Variants in ABCB5 observed in about 807,000 individuals in gnomAD.
ABCB5 encodes ATP-binding cassette sub-family B member 5.
ABCB5 carries 155 observed loss-of-function variants against 144.2 expected under a neutral mutation model. That is an observed-to-expected ratio of 1.08 (90% CI 0.94 to 1.23). The LOEUF (loss-of-function observed/expected upper bound fraction) is 1.23, where lower values mean the gene tolerates loss of function less well. Ranked by LOEUF, ABCB5 falls within the 50% of genes most tolerant of loss-of-function variation. The pLI is 0.00. For synonymous variants in ABCB5, 610 were observed against 528.6 expected, an observed-to-expected ratio of 1.15 and a Z score of -2.11; for missense variants, 1,830 against 1,520.8, an observed-to-expected ratio of 1.20 and a Z score of -3.38.
chr7:20,751,335 G>A (rs1782922117), intron 26 of ABCB5, among the ~76,000 whole-genome samples: 2 of 152,164 alleles, frequency 1.3e-5, no homozygotes, highest in African/African-American at 2.4e-5. Context: ...AGCCAGGCGT[G>A]GTGGCGGGCG....
intron 23 of ABCB5, among the ~76,000 whole-genome samples, 181 bp from the exon 24 acceptor site, chr7:20,738,802 G>A (rs981124059): frequency 2.6e-5 from 4 of 152,196 alleles, no homozygotes; most frequent in Non-Finnish European, 5.9e-5. Context: ...TACAGAGCAA[G>A]GAATGATTAC....
intron 14 of ABCB5, among the ~76,000 whole-genome samples, chr7:20,670,580 T>C (rs1021083016): frequency 6.6e-6 from 1 of 152,176 alleles, no homozygotes; most frequent in Non-Finnish European, 1.5e-5. Context: ...AGGCTTAGAA[T>C]TACCACACCA....
intron 14 of ABCB5, among the ~76,000 whole-genome samples, chr7:20,665,648 G>A (rs111595330): frequency 6.6e-6 from 1 of 151,820 alleles, no homozygotes; most frequent in Non-Finnish European, 1.5e-5. Context: ...GGACAAGCAG[G>A]TAGGGCCGTA....
At chr7:20,647,344 T>C in intron 9 of ABCB5, 191 bp from the exon 10 acceptor site, 2 of 1,340,882 alleles carry the variant, frequency 1.5e-6, no homozygotes, top group Non-Finnish European at 1.9e-6. Context: ...TGTGTTTCTA[T>C]TGCTTCTCGG....
Position 20,698,454 on chromosome 7 carries a change from G to A in ABCB5, c.2058G>A (p.Lys686=), listed in dbSNP as rs573015770. 1 of 1,596,278 alleles carries A rather than the reference G, an allele frequency of 6.3e-7. No individual in the cohort carries two copies. Among genetic ancestry groups the A allele is most frequent in the South Asian group, 1.2e-5 (1 of 86,826 alleles). The change falls in exon 17 of 28, where the codon AAG becomes AAA. Residue 686 remains lysine (K), a synonymous_variant. Coordinates refer to ENST00000404938, the MANE Select transcript of ABCB5 (RefSeq NM_001163941.2). Reference sequence around the variant, plus strand: ...TATTAAAAATTTTAAAGTTAAACAAGCCTGAATGGCCTTTTGTGGTTCTGG... The same window carrying A: ...TATTAAAAATTTTAAAGTTAAACAAACCTGAATGGCCTTTTGTGGTTCTGG... The part of the protein sequence containing the change: ...VSLLKILKLN[K]PEWPFVVLGT...
intron 5 of ABCB5, among the ~76,000 whole-genome samples, chr7:20,640,661 G>C (rs1784276277): frequency 1.3e-5 from 2 of 152,148 alleles, no homozygotes; most frequent in Admixed American, 1.3e-4. Context: ...CAGAGTACGT[G>C]TGCATCAGGC....
intron 16 of ABCB5, among the ~76,000 whole-genome samples, chr7:20,696,920 G>A (rs567961641): frequency 3.9e-5 from 6 of 151,944 alleles, no homozygotes; most frequent in East Asian, 1.9e-4. Context: ...AATGTAGATC[G>A]TTCTATAGGA....
intron 5 of ABCB5, 88 bp from the exon 6 acceptor site, chr7:20,643,096 T>C: frequency 1.7e-6 from 2 of 1,154,812 alleles, no homozygotes; most frequent in Non-Finnish European, 2.4e-6. Flanking sequence ...ATAAATTTCC[T>C]CAATCAAATA....
intron 14 of ABCB5, among the ~76,000 whole-genome samples, chr7:20,673,284 A>T (rs1047698333): frequency 6.6e-6 from 1 of 151,958 alleles, no homozygotes; most frequent in African/African-American, 2.4e-5. Flanking sequence ...AATTGTGTTG[A>T]GTTGGTTGAT....
At chr7:20,618,432 A>AGCTT (rs1240778176) in intron 1 of ABCB5, among the ~76,000 whole-genome samples, 2 of 152,254 alleles carry the variant, frequency 1.3e-5, no homozygotes, top group African/African-American at 2.4e-5. Context: ...TTAGATTTAG[A>AGCTT]GCTTACCTGT....
chr7:20,727,183 C>A, intron 22 of ABCB5, 43 bp downstream of exon 22: 1 of 1,464,454 alleles, frequency 6.8e-7, no homozygotes, highest in South Asian at 1.2e-5. Flanking sequence ...TAATTTTGTT[C>A]TGTAAAGGCA....
At chr7:20,737,157 TAA>T (rs112403845) in intron 23 of ABCB5, among the ~76,000 whole-genome samples, 6 of 142,746 alleles carry the variant, frequency 4.2e-5, no homozygotes, top group Admixed American at 2.1e-4. Context: ...GACTCTGTCT[TAA>T]AAAAAAAAAA....
chr7:20,686,081 A>C (rs1232140784), intron 16 of ABCB5, among the ~76,000 whole-genome samples: 7 of 152,156 alleles, frequency 4.6e-5, no homozygotes, highest in Non-Finnish European at 1.0e-4. Context: ...AGACTGTTAC[A>C]TGATGTTTTT....
At chr7:20,695,924 T>G (rs1786398585) in intron 16 of ABCB5, among the ~76,000 whole-genome samples, 1 of 151,934 alleles carries the variant, frequency 6.6e-6, no homozygotes, top group Non-Finnish European at 1.5e-5. Context: ...GTACCAAATA[T>G]TGGTGATGGT....
At chr7:20,749,266 C>T (rs542122759) in intron 26 of ABCB5, among the ~76,000 whole-genome samples, 27 of 137,538 alleles carry the variant, frequency 2.0e-4, no homozygotes, top group East Asian at 7.1e-4. Context: ...CTTGCTCTGT[C>T]GCCTAGGCTG....
intron 1 of ABCB5, among the ~76,000 whole-genome samples, chr7:20,622,582 A>G (rs1423805062): frequency 1.3e-5 from 2 of 152,106 alleles, no homozygotes; most frequent in Non-Finnish European, 2.9e-5. Context: ...GTAATATGTT[A>G]TAGGGCCTAA....
intron 16 of ABCB5, among the ~76,000 whole-genome samples, chr7:20,690,183 T>G (rs1189713588): frequency 1.3e-5 from 2 of 152,234 alleles, no homozygotes; most frequent in African/African-American, 2.4e-5. Flanking sequence ...ATTTACTTTG[T>G]GAATCTAAGC....
At chr7:20,668,596 G>T (rs138509596) in intron 14 of ABCB5, among the ~76,000 whole-genome samples, 2 of 143,318 alleles carry the variant, frequency 1.4e-5, no homozygotes, top group Non-Finnish European at 3.0e-5. Context: ...GAGGTGGGGG[G>T]GGGGGTCAGC....
At chr7:20,628,255 G>A (rs765162709) in intron 3 of ABCB5, among the ~76,000 whole-genome samples, 5 of 151,996 alleles carry the variant, frequency 3.3e-5, no homozygotes, top group East Asian at 1.9e-4. Flanking sequence ...GAGAACATGC[G>A]GTGTTTGGTT....
Sources: allele counts gnomAD v4.1 joint callset (sites outside exome capture counted in the v4.1 genomes callset), GRCh38; gene constraint gnomAD v4.1.1; transcripts MANE v1.5; gene names NCBI Gene and HGNC (gene_info 2026-07-23, HGNC 2026-07-21).